The following FZD3 variants were observed in gnomAD, a reference collection of about 807,000 sequenced individuals.
FZD3 encodes the protein frizzled class receptor 3.
In FZD3, 30 loss-of-function variants were observed where a neutral mutation model predicts 60.7. The observed-to-expected ratio is 0.49, with a 90% CI of 0.37 to 0.67. The LOEUF (loss-of-function observed/expected upper bound fraction) is 0.67, where lower values mean the gene tolerates loss of function less well. FZD3 is among the 30% of genes least tolerant of loss of function. The probability of loss-of-function intolerance (pLI) is 0.00; values close to 1 mark genes in which losing one functional copy is unlikely to be tolerated. For missense variants in FZD3, 605 were observed against 838.7 expected (o/e 0.72, Z 3.44); for synonymous variants, 246 against 275.2 (o/e 0.89, Z 1.05).
chr8:28,555,800 A>T lies in FZD3; in HGVS notation c.1616A>T (p.Asp539Val). Reference sequence around the variant, plus strand: ...GATTTTGCTCAGTCTCTCCTGAGGGATCCAAATACTCCTATCATAAGAAAG... The same window carrying T: ...GATTTTGCTCAGTCTCTCCTGAGGGTTCCAAATACTCCTATCATAAGAAAG... ...EPDFAQSLLRDPNTPIIRKSR... is the reference protein window; with the variant it reads ...EPDFAQSLLRVPNTPIIRKSR... The change falls in exon 7 of 8, where the codon GAT becomes GTT. Residue 539 changes from aspartate to valine, a missense_variant. Physicochemically the swap from Asp to Val is radical, Grantham distance 152. Transcript: ENST00000240093. 1 of 1,613,908 alleles carries T rather than the reference A, an allele frequency of 6.2e-7. No homozygotes were observed. Among genetic ancestry groups the T allele is most frequent in the Non-Finnish European group, 8.5e-7 (1 of 1,179,808 alleles).
intron 5 of FZD3, among the ~76,000 whole-genome samples, chr8:28,544,293 G>A (rs944822067): frequency 5.3e-5 from 8 of 151,914 alleles, no homozygotes; most frequent in South Asian, 2.1e-4. Flanking sequence ...ATGCCATATC[G>A]GAGAATACAT....
chr8:28,563,655 A>G lies in FZD3; in HGVS notation c.*644A>G, dbSNP rs1337833064. 6.6e-6 allele frequency: 1 copy of G among 152,274 alleles called. No homozygotes were observed. Among genetic ancestry groups the G allele is most frequent in the Non-Finnish European group, 1.5e-5 (1 of 68,082 alleles). 9.4% of individuals were successfully genotyped at this position (152,274 alleles called of 1,614,324 possible). On this transcript the variant is annotated 3_prime_UTR_variant, in exon 8 of 8. Coordinates refer to ENST00000240093, the MANE Select transcript of FZD3 (RefSeq NM_017412.4). ...TATTCAGGGTTTGGATTAGCAGTGG[A>G]ATAAAGAGATGGGCATTGTTTCCCC... is the stretch of plus-strand genomic sequence containing the variant.
chr8:28,552,731 C>T lies in FZD3; in HGVS notation c.1553+980C>T, dbSNP rs186339019. Among the ~76,000 whole-genome samples the T allele has an allele frequency of 1.2e-4, 18 of 152,098 alleles. No homozygotes were observed. The East Asian group carries it at 3.5e-3, about 29-fold the overall frequency. ...GCCTCACTAATAAAGTTTATATTTA[C>T]TAAAATACCAGTAATTAACAATTTC... On this transcript the variant is annotated intron_variant, in intron 6 of 7. Transcript: ENST00000240093.
intron 7 of FZD3, among the ~76,000 whole-genome samples, chr8:28,557,041 T>C (rs1370093606): frequency 6.6e-6 from 1 of 151,852 alleles, no homozygotes; most frequent in East Asian, 1.9e-4. Context: ...CTGAAAGATA[T>C]TTAGAAAGAA....
chr8:28,552,363 C>G (rs897537545), intron 6 of FZD3, among the ~76,000 whole-genome samples: 5 of 152,108 alleles, frequency 3.3e-5, no homozygotes, highest in Non-Finnish European at 7.4e-5. Flanking sequence ...CATAGTTGGC[C>G]ATACTGCATA....
rs762350717 is a variant in FZD3, at chr8:28,551,626, C to T, written c.1428C>T (p.Asp476=). 6.2e-7 allele frequency: 1 copy of T among 1,609,740 alleles called. No individual in the cohort carries two copies. The part of the protein sequence containing the change: ...PYQVTQMSRP[D]LILFLMKYLM... The stretch of plus-strand genomic sequence containing the variant: ...AGGTTACTCAAATGAGTCGTCCAGA[C>T]TTGATTCTCTTTCTGATGAAATACC... The change falls in exon 6 of 8, where the codon GAC becomes GAT. Residue 476 remains aspartate, a synonymous_variant. Transcript: ENST00000240093.
intron 5 of FZD3, among the ~76,000 whole-genome samples, chr8:28,536,220 CAT>C (rs964777686): frequency 9.2e-5 from 14 of 152,182 alleles, no homozygotes; most frequent in South Asian, 6.2e-4. Context: ...TTGAAAAGCA[CAT>C]GTTTCCTTCC....
intron 3 of FZD3, among the ~76,000 whole-genome samples, chr8:28,507,316 C>T (rs917892124): frequency 2.0e-5 from 3 of 152,100 alleles, no homozygotes; most frequent in Non-Finnish European, 4.4e-5. Context: ...TTGCTGATTG[C>T]ATCCCTGTGG....
intron 3 of FZD3, among the ~76,000 whole-genome samples, chr8:28,504,270 T>C (rs1302088428): frequency 2.6e-5 from 4 of 152,218 alleles, no homozygotes; most frequent in Admixed American, 2.6e-4. Flanking sequence ...CATTTTTTGC[T>C]TTTCCTCTGA....
At chr8:28,500,693 A>G (rs1803965572) in intron 2 of FZD3, among the ~76,000 whole-genome samples, 1 of 152,312 alleles carries the variant, frequency 6.6e-6, no homozygotes, top group Middle Eastern at 3.4e-3. Flanking sequence ...ATATTTAGTG[A>G]TATGCATAAT....
intron 6 of FZD3, among the ~76,000 whole-genome samples, chr8:28,553,040 A>G (rs570803525): frequency 6.6e-6 from 1 of 152,338 alleles, no homozygotes; most frequent in African/African-American, 2.4e-5. Flanking sequence ...AAGGGACTTG[A>G]GCATCCTCGA....
In FZD3 at chr8:28,527,355, C is replaced by G. The variant is rs757589666; in HGVS notation, c.595C>G (p.Leu199Val). Residue 199 changes from leucine to valine, a missense_variant, in exon 5 of 8, where the codon CTG becomes GTG. By Grantham distance (32) the Leu-to-Val change is conservative. Transcript: ENST00000240093. This position sits in a 1 kb window ranked among gnomAD's most constrained non-coding sequence, Gnocchi z 5.0. ...AAATATGTACTTCAGAAGAGAAGAA[C>G]TGTCATTTGCTCGCTATTTCATAGG... ...CPNMYFRREE[L>V]SFARYFIGLI... 1 of 1,613,446 alleles carries G rather than the reference C, an allele frequency of 6.2e-7. No homozygotes were observed. Among genetic ancestry groups the G allele is most frequent in the Non-Finnish European group, 8.5e-7 (1 of 1,179,394 alleles).
chr8:28,534,489 G>A (rs1446183675), intron 5 of FZD3, among the ~76,000 whole-genome samples: 1 of 152,156 alleles, frequency 6.6e-6, no homozygotes, highest in African/African-American at 2.4e-5. Flanking sequence ...AGAGGTCAAG[G>A]CTTCAGAGAG....
intron 3 of FZD3, among the ~76,000 whole-genome samples, chr8:28,514,891 C>A (rs1444904693): frequency 6.6e-6 from 1 of 152,072 alleles, no homozygotes; most frequent in Non-Finnish European, 1.5e-5. Flanking sequence ...CTAACTTTAT[C>A]TTTTTACTTA....
chr8:28,511,300 A>G (rs920917280), intron 3 of FZD3, among the ~76,000 whole-genome samples: 1 of 152,108 alleles, frequency 6.6e-6, no homozygotes, highest in African/African-American at 2.4e-5. Context: ...AGCCTGGCCA[A>G]CATGGTGAAA....
At chr8:28,562,271 G>C (rs1204663202) in intron 7 of FZD3, among the ~76,000 whole-genome samples, 1 of 152,006 alleles carries the variant, frequency 6.6e-6, no homozygotes. Flanking sequence ...AGCAGCTTTC[G>C]GCACATACTG....
chr8:28,524,610 G>C (rs1056314001), intron 4 of FZD3, among the ~76,000 whole-genome samples: 7 of 151,956 alleles, frequency 4.6e-5, no homozygotes, highest in Non-Finnish European at 8.8e-5. Context: ...TTCCTTCTCG[G>C]ATCCTCCTCT....
intron 3 of FZD3, among the ~76,000 whole-genome samples, chr8:28,513,081 A>C (rs1412424339): frequency 6.6e-6 from 1 of 152,172 alleles, no homozygotes; most frequent in East Asian, 1.9e-4. Context: ...TGTGAGGAGA[A>C]ACCAGCCAGG....
Position 28,565,486 on chromosome 8 carries a change from G to A in FZD3, c.*2475G>A, listed in dbSNP as rs1269981186. 6.6e-6 allele frequency: 1 copy of A among 152,138 alleles called. No individual in the cohort carries two copies. Among genetic ancestry groups the A allele is most frequent in the Non-Finnish European group, 1.5e-5 (1 of 67,998 alleles). 9.4% of individuals were successfully genotyped at this position (152,138 alleles called of 1,614,324 possible). A position where few individuals can be genotyped will look rare whatever the true frequency, so the allele number is the denominator to read the frequency against. ...AAATAGAAGGTACCAGTTTGGGCTCGAAGATGTTGTCATCCATTGCCATCT... is the reference window on the plus strand; with the variant it reads ...AAATAGAAGGTACCAGTTTGGGCTCAAAGATGTTGTCATCCATTGCCATCT... On this transcript the variant is annotated 3_prime_UTR_variant, in exon 8 of 8. Coordinates refer to ENST00000240093, the MANE Select transcript of FZD3 (RefSeq NM_017412.4).
Sources: gnomAD v4.1 joint callset for allele counts (sites outside exome capture counted in the v4.1 genomes callset) on GRCh38, gnomAD v4.1.1 for gene constraint, Gnocchi (gnomAD v3.1) non-coding constraint, MANE v1.5 for transcripts, NCBI Gene and HGNC (gene_info 2026-07-23, HGNC 2026-07-21) for gene names.